LHX2: variants seen among roughly 807,000 people sequenced by gnomAD.
LHX2 encodes the protein LIM homeobox 2, also known as LIM/homeobox protein Lhx2.
In LHX2, 6 loss-of-function variants were observed where a neutral mutation model predicts 33.0. The observed-to-expected ratio is 0.18, with a 90% CI of 0.10 to 0.36. The LOEUF is 0.36. Ranked by LOEUF, LHX2 falls within the 10% of genes least tolerant of loss-of-function variation. LHX2 has a pLI of 1.00. For synonymous variants in LHX2, 292 were observed against 253.1 expected (o/e 1.15, Z -1.46); for missense variants, 442 against 586.2 (o/e 0.75, Z 2.54).
At chr9:124,018,754 CCT>C (rs1042001676) in intron 3 of LHX2, among the ~76,000 whole-genome samples, 4 of 152,178 alleles carry the variant, frequency 2.6e-5, no homozygotes, top group East Asian at 1.9e-4. Context: ...CTCTGTCTGT[CCT>C]CTCTTTTTCC....
rs1358049510 is a variant in LHX2 at position 124,015,188 on chromosome 9, C to T, written c.390C>T (p.Arg130=). 7.4e-6 allele frequency: 12 copies of T among 1,614,004 alleles called. No individual in the cohort carries two copies. The highest frequency in any genetic ancestry group is 1.0e-5 in the Non-Finnish European group (12 of 1,180,044). Reference sequence around the variant, plus strand: ...TCTCGGCCTCGGAGATGGTGATGCGCGCTCGGGACTTGGTTTATCACCTCA... The same window carrying T: ...TCTCGGCCTCGGAGATGGTGATGCGTGCTCGGGACTTGGTTTATCACCTCA... ...LGISASEMVM[R]ARDLVYHLNC... Residue 130 remains arginine, a synonymous_variant, in exon 3 of 5, where the codon CGC becomes CGT. Coordinates refer to ENST00000373615, the MANE Select transcript of LHX2 (RefSeq NM_004789.4). This position sits in a 1 kb window ranked among gnomAD's most constrained non-coding sequence, Gnocchi z 7.9.
chr9:124,032,250 A>C lies in LHX2; in HGVS notation c.934-170A>C. On this transcript the variant is annotated intron_variant, in intron 4 of 4. Coordinates refer to ENST00000373615, the MANE Select transcript of LHX2 (RefSeq NM_004789.4). The surrounding 1 kb of genome is among the most constrained non-coding windows in gnomAD (Gnocchi z 4.1). ...AAGCCAGACCCTGTCTGCAAACAAA[A>C]ACAAAAACAAAAAAACCAAAAAAGC... 1 of 738,180 alleles carries C rather than the reference A, an allele frequency of 1.4e-6. No homozygotes were observed. Among genetic ancestry groups the C allele is most frequent in the Non-Finnish European group, 2.1e-6 (1 of 474,974 alleles). The allele number at this position is 738,180 out of a possible 1,614,324, so 45.7% of individuals were successfully genotyped here.
rs1554829497 is a variant in LHX2, at chr9:124,032,369, G to GA, written c.934-50dup. ...GAGCTCTGAGTGAAGCAGTCGGGGG[G>GA]ATGCTCTGCCTGCCTTCCGCTCACC... On this transcript the variant is annotated intron_variant, in intron 4 of 4. Transcript: ENST00000373615. This position sits in a 1 kb window ranked among gnomAD's most constrained non-coding sequence, Gnocchi z 4.1. The GA allele has an allele frequency of 1.3e-6, 2 of 1,528,808 alleles. No individual in the cohort carries two copies. Among genetic ancestry groups the GA allele is most frequent in the Non-Finnish European group, 1.8e-6 (2 of 1,136,554 alleles). The allele number at this position is 1,528,808 out of a possible 1,614,324, so 94.7% of individuals were successfully genotyped here. A position where few individuals can be genotyped will look rare whatever the true frequency, so the allele number is the denominator to read the frequency against.
chr9:124,021,162 A>T lies in LHX2; in HGVS notation c.791A>T (p.Gln264Leu). ...CGTGACCAGCCATACCCGAGCAGCC[A>T]GAAGACCAAGCGCATGCGCACGTCC... ...LDRDQPYPSS[Q>L]KTKRMRTSFK... is the part of the protein sequence containing the mutation. The change falls in exon 4 of 5, where the codon CAG becomes CTG. Residue 264 changes from glutamine (Q) to leucine (L), a missense_variant. Physicochemically the swap from Gln to Leu is moderately radical, Grantham distance 113. Coordinates refer to ENST00000373615, the MANE Select transcript of LHX2 (RefSeq NM_004789.4). 6.2e-7 allele frequency: 1 copy of T among 1,614,250 alleles called. No homozygotes were observed. Among genetic ancestry groups the T allele is most frequent in the Non-Finnish European group, 8.5e-7 (1 of 1,180,048 alleles).
Position 124,012,619 on chromosome 9 carries a change from C to G in LHX2, c.120+151C>G. 2.0e-6 allele frequency: 2 copies of G among 1,014,668 alleles called. No individual in the cohort carries two copies. Among genetic ancestry groups the G allele is most frequent in the Middle Eastern group, 3.3e-4 (1 of 3,050 alleles). 62.9% of individuals were successfully genotyped at this position (1,014,668 alleles called of 1,614,324 possible). A position where few individuals can be genotyped will look rare whatever the true frequency, so the allele number is the denominator to read the frequency against. ...GTCAGAATGCAAGGCCGGTGGCTCC[C>G]GGTTCGGGGGAAACCCGGCTGCTGG... On this transcript the variant is annotated intron_variant, in intron 1 of 4. Transcript: ENST00000373615. This position sits in a 1 kb window ranked among gnomAD's most constrained non-coding sequence, Gnocchi z 4.3.
At chr9:124,020,952 A>G in intron 3 of LHX2, 147 bp from the exon 4 acceptor site, 1 of 700,014 alleles carries the variant, frequency 1.4e-6, no homozygotes. Context: ...CCATCTATAA[A>G]ATGGGGATGA....
At position 124,014,980 on chromosome 9, in the gene LHX2, TC is replaced by T. The variant is rs200896188; in HGVS notation, c.324-135del. On this transcript the variant is annotated intron_variant, in intron 2 of 4. Transcript: ENST00000373615. This position sits in a 1 kb window ranked among gnomAD's most constrained non-coding sequence, Gnocchi z 4.8. The stretch of plus-strand genomic sequence containing the variant: ...GCCTGGGTCAAAATCTAGTTCTCTC[TC>T]CCCCCCATCCTCCAAATAAAGGCCG... The T allele has an allele frequency of 3.4e-5, 29 of 851,638 alleles. No individual in the cohort carries two copies. Among genetic ancestry groups the T allele is most frequent in the Middle Eastern group, 3.0e-4 (1 of 3,314 alleles). 52.8% of individuals were successfully genotyped at this position (851,638 alleles called of 1,614,324 possible).
chr9:124,022,550 A>G (rs964419780), intron 4 of LHX2, among the ~76,000 whole-genome samples: 11 of 152,194 alleles, frequency 7.2e-5, no homozygotes, highest in Admixed American at 6.5e-4. Flanking sequence ...GGACAGCCTC[A>G]CAACAGGAGG....
chr9:124,013,951 C>G lies in LHX2; in HGVS notation c.121-10C>G. The G allele has an allele frequency of 6.2e-7, 1 of 1,610,316 alleles. No individual in the cohort carries two copies. The highest frequency in any genetic ancestry group is 8.5e-7 in the Non-Finnish European group (1 of 1,178,512). ...AGGCGCTGCTGTCTTCCGCCTCCCT[C>G]CCTTCGCAGACCATGCCGTCCATCA... On this transcript the variant is annotated splice_polypyrimidine_tract_variant and intron_variant, in intron 1 of 4. Coordinates refer to ENST00000373615, the MANE Select transcript of LHX2 (RefSeq NM_004789.4).
chr9:124,014,785 C>A lies in LHX2; in HGVS notation c.324-337C>A, dbSNP rs548923073. On this transcript the variant is annotated intron_variant, in intron 2 of 4. Transcript: ENST00000373615. This position sits in a 1 kb window ranked among gnomAD's most constrained non-coding sequence, Gnocchi z 4.8. ...CCAAATTATAAAAGTCAGTAGGATT[C>A]CCAGGCGCTGGTTTGGAGGGAGGAG... is the stretch of plus-strand genomic sequence containing the variant. Among the ~76,000 whole-genome samples, 1 of 152,132 alleles carries A rather than the reference C, an allele frequency of 6.6e-6. No homozygotes were observed. The highest frequency in any genetic ancestry group is 1.5e-5 in the Non-Finnish European group (1 of 68,024).
At position 124,016,100 on chromosome 9, in the gene LHX2, G is replaced by T. The variant is rs1312055377; in HGVS notation, c.727+575G>T. 6.6e-6 allele frequency among the ~76,000 whole-genome samples: 1 copy of T among 152,250 alleles called. No individual in the cohort carries two copies. The highest frequency in any genetic ancestry group is 6.5e-5 in the Admixed American group (1 of 15,290). On this transcript the variant is annotated intron_variant, in intron 3 of 4. Transcript: ENST00000373615. The surrounding 1 kb of genome is among the most constrained non-coding windows in gnomAD (Gnocchi z 4.4). ...TTGCTCGGCCCGATCCTCCTTTAAA[G>T]ACAGGTCTCAGTTTTCCCGGACTTT...
intron 4 of LHX2, among the ~76,000 whole-genome samples, chr9:124,026,609 T>C (rs1828626859): frequency 6.6e-6 from 1 of 152,196 alleles, no homozygotes; most frequent in Non-Finnish European, 1.5e-5. Flanking sequence ...CAAATAGGTT[T>C]GGGAAAGGCT....
rs369361419 is a variant in LHX2 at position 124,015,083 on chromosome 9, C to T, written c.324-39C>T. The T allele has an allele frequency of 1.1e-5, 18 of 1,601,758 alleles. No individual in the cohort carries two copies. Among genetic ancestry groups the T allele is most frequent in the Non-Finnish European group, 1.4e-5 (16 of 1,177,386 alleles). Reference sequence around the variant, plus strand: ...GAGGAGGAAAAGGGGGGTACCCAACCGTGTGTTCCCACAGCCCCTCCCTCC... The same window carrying T: ...GAGGAGGAAAAGGGGGGTACCCAACTGTGTGTTCCCACAGCCCCTCCCTCC... On this transcript the variant is annotated intron_variant, in intron 2 of 4. Transcript: ENST00000373615. This position sits in a 1 kb window ranked among gnomAD's most constrained non-coding sequence, Gnocchi z 7.9.
In LHX2 at chr9:124,012,270, A is replaced by G. The variant is rs541906506; in HGVS notation, c.-79A>G. The G allele has an allele frequency of 2.2e-4, 294 of 1,334,142 alleles. 3 individuals are homozygous for G. In the East Asian group the frequency reaches 9.7e-3, roughly 44 times the overall value. The allele number at this position is 1,334,142 out of a possible 1,614,324, so 82.6% of individuals were successfully genotyped here. ...GCGATGCACCGGGCCCGTTAGCGCC[A>G]GGAGCGCCAGGCAGCTGAGGCGGGG... is the stretch of plus-strand genomic sequence containing the variant. On this transcript the variant is annotated 5_prime_UTR_variant, in exon 1 of 5. Transcript: ENST00000373615. This position sits in a 1 kb window ranked among gnomAD's most constrained non-coding sequence, Gnocchi z 4.3.
chr9:124,028,298 C>T (rs1188019505), intron 4 of LHX2, among the ~76,000 whole-genome samples: 2 of 152,190 alleles, frequency 1.3e-5, no homozygotes, highest in South Asian at 4.1e-4. Flanking sequence ...GGCTGGGGCA[C>T]CCCGGCCTGG....
intron 3 of LHX2, among the ~76,000 whole-genome samples, chr9:124,019,930 C>A (rs1254447752): frequency 6.6e-6 from 1 of 152,158 alleles, no homozygotes; most frequent in African/African-American, 2.4e-5. Flanking sequence ...TTTCTGAGGC[C>A]CAGGTTTTCA....
Position 124,032,695 on chromosome 9 carries a change from C to T in LHX2, c.1209C>T (p.Thr403=), listed in dbSNP as rs748378852. ...ACAGCCCCTCACAAACGACTCTTACCAACCTTTTCTAATGACTCGCAACCC... is the reference window on the plus strand; with the variant it reads ...ACAGCCCCTCACAAACGACTCTTACTAACCTTTTCTAATGACTCGCAACCC... The part of the protein sequence containing the change: ...EPHSPSQTTL[T]NLF The change falls in exon 5 of 5, where the codon ACC becomes ACT. Residue 403 remains threonine, a synonymous_variant. Coordinates refer to ENST00000373615, the MANE Select transcript of LHX2 (RefSeq NM_004789.4). This position sits in a 1 kb window ranked among gnomAD's most constrained non-coding sequence, Gnocchi z 4.1. 1.3e-6 allele frequency: 2 copies of T among 1,585,464 alleles called. No homozygotes were observed. Among genetic ancestry groups the T allele is most frequent in the Admixed American group, 1.7e-5 (1 of 57,910 alleles).
At chr9:124,026,284 C>A (rs535929836) in intron 4 of LHX2, among the ~76,000 whole-genome samples, 42 of 151,922 alleles carry the variant, frequency 2.8e-4, no homozygotes, top group Admixed American at 2.6e-3. Context: ...CATGGTGAAA[C>A]CCGTCTCTAC....
At chr9:124,023,011 C>T (rs1297678660) in intron 4 of LHX2, among the ~76,000 whole-genome samples, 1 of 152,216 alleles carries the variant, frequency 6.6e-6, no homozygotes, top group African/African-American at 2.4e-5. Context: ...GGATGGAGAA[C>T]GTGACTACAC....
Sources: allele counts gnomAD v4.1 joint callset (sites outside exome capture counted in the v4.1 genomes callset), GRCh38; gene constraint gnomAD v4.1.1; non-coding constraint Gnocchi (gnomAD v3.1); transcripts MANE v1.5; gene names NCBI Gene and HGNC (gene_info 2026-07-23, HGNC 2026-07-21).